ATAD2: variants seen among roughly 807,000 people sequenced by gnomAD.
The protein encoded by ATAD2 is ATPase family AAA domain-containing protein 2.
In ATAD2, 62 loss-of-function variants were observed where a neutral mutation model predicts 168.9. The ratio of observed to expected loss-of-function variants is 0.37; its 90% CI spans 0.30 to 0.45. ATAD2 has a LOEUF of 0.45. Among genes scored for constraint, ATAD2 ranks in the 20% least tolerant of loss-of-function variants. ATAD2 has a pLI of 1.00. For synonymous variants in ATAD2, 613 were observed against 571.6 expected (o/e 1.07, Z -1.03); for missense variants, 1,419 against 1,667.8 (o/e 0.85, Z 2.60).
chr8:123,345,938 A>T, intron 18 of ATAD2, 148 bp downstream of exon 18: 1 of 541,854 alleles, frequency 1.8e-6, no homozygotes, highest in Non-Finnish European at 3.0e-6. Context: ...ATTCTCTTTA[A>T]TGACTAAGCA....
intron 2 of ATAD2, among the ~76,000 whole-genome samples, chr8:123,376,560 A>C (rs1336682177): frequency 6.6e-6 from 1 of 151,432 alleles, no homozygotes. Flanking sequence ...TCTCAAAAAA[A>C]ATACACACAC....
Position 123,326,045 on chromosome 8 carries a change from T to C in ATAD2, c.3869-19A>G, listed in dbSNP as rs762960191. ...CACATTTCTAGAATGAAAAATCAAA[T>C]GATTATTATTTGGTCCATAGATATT... On this transcript the variant is annotated intron_variant, in intron 25 of 27. Transcript: ENST00000287394. 5.6e-6 allele frequency: 9 copies of C among 1,611,908 alleles called. No homozygotes were observed. Among genetic ancestry groups the C allele is most frequent in the East Asian group, 2.2e-5 (1 of 44,864 alleles).
intron 1 of ATAD2, among the ~76,000 whole-genome samples, chr8:123,389,984 A>ATATATATT (rs1232318597): frequency 5.2e-4 from 60 of 115,128 alleles, no homozygotes; most frequent in East Asian, 2.7e-3. Context: ...ATATATATAT[A>ATATATATT]TTTTTTTTTT....
intron 17 of ATAD2, 88 bp from the exon 18 acceptor site, chr8:123,346,360 A>G: frequency 7.7e-7 from 1 of 1,300,868 alleles, no homozygotes; most frequent in Non-Finnish European, 1.0e-6. Flanking sequence ...TTTCATAAGT[A>G]AAAAGTCTTG....
rs1828238655 is a variant in ATAD2, at chr8:123,346,267, G to C, written c.2351C>G (p.Ala784Gly). Residue 784 changes from alanine to glycine, a missense_variant, in exon 18 of 28, where the codon GCT becomes GGT. Around this residue, in one of 5 missense-constraint regions of ATAD2, gnomAD observed 545 missense variants for 724.9 expected, o/e 0.75. Transcript: ENST00000287394. Reference sequence around the variant, plus strand: ...TCGAAAAGACATAGGTTGGTAACAAGCATTTCTGAAAGAGAAATGATTAAT... The same window carrying C: ...TCGAAAAGACATAGGTTGGTAACAACCATTTCTGAAAGAGAAATGATTAAT... ...NFNFLHLNRN[A>G]CYQPMSFRPR... is the part of the protein sequence containing the mutation. The C allele has an allele frequency of 6.3e-7, 1 of 1,583,078 alleles. No homozygotes were observed. Among genetic ancestry groups the C allele is most frequent in the Non-Finnish European group, 8.5e-7 (1 of 1,169,830 alleles).
rs758329196 is a variant in ATAD2 at position 123,321,123 on chromosome 8, C to T, written c.*11G>A. The T allele has an allele frequency of 2.5e-6, 4 of 1,607,796 alleles. No individual in the cohort carries two copies. In the African/African-American group the frequency reaches 5.4e-5, roughly 22 times the overall value. On this transcript the variant is annotated 3_prime_UTR_variant, in exon 28 of 28. Coordinates refer to ENST00000287394, the MANE Select transcript of ATAD2 (RefSeq NM_014109.4). ...AACTGAATATAAAGAATACTCGATA[C>T]CATGACATCATCATCTGGAACAACT... is the stretch of plus-strand genomic sequence containing the variant.
upstream of ATAD2, chr8:123,400,961 A>G (rs1812988135): frequency 7.0e-7 from 1 of 1,420,460 alleles, no homozygotes; most frequent in Non-Finnish European, 9.9e-7. The surrounding 1 kb of genome is among the most constrained non-coding windows in gnomAD (Gnocchi z 4.5). Context: ...CCTGTGGGTG[A>G]TGTGCTGGAG....
chr8:123,351,584 A>G (rs1233247223), intron 13 of ATAD2, among the ~76,000 whole-genome samples: 1 of 152,110 alleles, frequency 6.6e-6, no homozygotes, highest in Non-Finnish European at 1.5e-5. Flanking sequence ...TATACAAAGA[A>G]CTACACTACT....
intron 8 of ATAD2, among the ~76,000 whole-genome samples, chr8:123,363,201 G>A (rs924365959): frequency 3.3e-5 from 5 of 152,116 alleles, no homozygotes; most frequent in African/African-American, 9.7e-5. Flanking sequence ...TTCCAGAAAC[G>A]TGTATCAAAA....
intron 24 of ATAD2, among the ~76,000 whole-genome samples, chr8:123,330,363 T>C (rs1196576361): frequency 6.6e-6 from 1 of 151,288 alleles, no homozygotes; most frequent in Non-Finnish European, 1.5e-5. Context: ...CTGCTTCTCT[T>C]GTTATCTTGA....
At chr8:123,326,339 T>G (rs971236057) in intron 25 of ATAD2, among the ~76,000 whole-genome samples, 3 of 151,526 alleles carry the variant, frequency 2.0e-5, no homozygotes, top group African/African-American at 7.3e-5. Context: ...AGAACAGGGG[T>G]TGTAAAATAC....
chr8:123,371,776 G>A lies in ATAD2; in HGVS notation c.430C>T (p.His144Tyr). 2 of 1,612,954 alleles carry A rather than the reference G, an allele frequency of 1.2e-6. No homozygotes were observed. Among genetic ancestry groups the A allele is most frequent in the African/African-American group, 1.3e-5 (1 of 75,022 alleles). ...ACATCACCATTATCTTCATGTAAGT[G>A]TTCTGTACTTTGAACGATGTTTCTA... ...RARNIVQSTE[H>Y]LHEDNGDVEV... is the part of the protein sequence containing the mutation. The change falls in exon 4 of 28, where the codon CAC becomes TAC. Residue 144 changes from histidine (H) to tyrosine (Y), a missense_variant. Transcript: ENST00000287394.
intron 1 of ATAD2, among the ~76,000 whole-genome samples, chr8:123,393,440 G>T (rs1812687716): frequency 6.6e-6 from 1 of 152,030 alleles, no homozygotes. Flanking sequence ...ATCCTGGGAG[G>T]TTGAGGCTGC....
chr8:123,413,742 A>T (rs1813197897), intron 1 of ATAD2, among the ~76,000 whole-genome samples: 1 of 152,178 alleles, frequency 6.6e-6, no homozygotes, highest in South Asian at 2.1e-4. Context: ...CAAAACAGGA[A>T]AAAAAGCTCC....
intron 24 of ATAD2, 96 bp from the exon 25 acceptor site, chr8:123,328,675 GA>G: frequency 8.2e-7 from 1 of 1,220,898 alleles, no homozygotes; most frequent in Non-Finnish European, 1.1e-6. Flanking sequence ...GATAAATAGT[GA>G]GAAACCACAG....
At chr8:123,355,217 T>C (rs940739760) in intron 13 of ATAD2, among the ~76,000 whole-genome samples, 4 of 152,140 alleles carry the variant, frequency 2.6e-5, no homozygotes, top group South Asian at 2.1e-4. Flanking sequence ...CATTAGAATA[T>C]AGCAAATCTT....
At chr8:123,411,766 A>C (rs1177384226) in intron 1 of ATAD2, among the ~76,000 whole-genome samples, 1 of 152,194 alleles carries the variant, frequency 6.6e-6, no homozygotes, top group South Asian at 2.1e-4. Flanking sequence ...TGCAACTGCA[A>C]AAATAAATAA....
intron 19 of ATAD2, chr8:123,342,357 T>G (rs527907841): frequency 1.3e-5 from 2 of 152,210 alleles, no homozygotes; most frequent in Non-Finnish European, 2.9e-5. Flanking sequence ...GAAGATGTAT[T>G]AGTCAAGTTC....
chr8:123,374,685 AG>A (rs1829252087), intron 2 of ATAD2, among the ~76,000 whole-genome samples: 1 of 152,222 alleles, frequency 6.6e-6, no homozygotes, highest in South Asian at 2.1e-4. Flanking sequence ...CTAACATTAT[AG>A]GGTGAAAGGA....
Sources: allele counts gnomAD v4.1 joint callset (sites outside exome capture counted in the v4.1 genomes callset), GRCh38; gene constraint gnomAD v4.1.1; regional missense constraint gnomAD v4.1.1; non-coding constraint Gnocchi (gnomAD v3.1); transcripts MANE v1.5; gene names NCBI Gene and HGNC (gene_info 2026-07-23, HGNC 2026-07-21).